Variants in AGBL4 observed in about 807,000 individuals in gnomAD.
The protein encoded by AGBL4 is AGBL carboxypeptidase 4, also known as cytosolic carboxypeptidase 6.
A neutral mutation model predicts 66.4 loss-of-function variants in AGBL4; 58 were observed. The ratio of observed to expected loss-of-function variants is 0.87; its 90% CI spans 0.71 to 1.09. The LOEUF is 1.09. Ranked by LOEUF, AGBL4 falls within the 50% of genes least tolerant of loss-of-function variation. AGBL4 has a pLI of 0.00. For synonymous variants in AGBL4, 234 were observed against 222.9 expected (o/e 1.05, Z -0.44); for missense variants, 579 against 631.0 (o/e 0.92, Z 0.88).
intron 9 of AGBL4, among the ~76,000 whole-genome samples, chr1:48,593,972 T>G (rs1328666676): frequency 1.3e-5 from 2 of 152,178 alleles, no homozygotes; most frequent in East Asian, 3.9e-4. Flanking sequence ...TAATCTGAAT[T>G]TCTCTTAGTA....
chr1:49,289,049 G>A (rs1480642484), intron 3 of AGBL4, among the ~76,000 whole-genome samples: 2 of 151,768 alleles, frequency 1.3e-5, no homozygotes, highest in Non-Finnish European at 2.9e-5. Flanking sequence ...GAGAGAGGAA[G>A]GAACCTGACC....
chr1:49,214,846 G>C (rs979493701), intron 4 of AGBL4, among the ~76,000 whole-genome samples: 6 of 152,116 alleles, frequency 3.9e-5, no homozygotes, highest in African/African-American at 7.2e-5. Flanking sequence ...GGAGTATCAA[G>C]TATATTTGTT....
At chr1:49,283,500 C>T (rs952086898) in intron 3 of AGBL4, among the ~76,000 whole-genome samples, 28 of 152,264 alleles carry the variant, frequency 1.8e-4, no homozygotes, top group Middle Eastern at 6.8e-3. Context: ...TCACCAGCAA[C>T]GGAACAAAGC....
At chr1:48,902,503 CT>C (rs1652183251) in intron 5 of AGBL4, among the ~76,000 whole-genome samples, 1 of 152,100 alleles carries the variant, frequency 6.6e-6, no homozygotes, top group African/African-American at 2.4e-5. Context: ...AAGGAAAGAA[CT>C]GGTGGTGGAT....
chr1:49,672,155 C>CA (rs1415766267), intron 3 of AGBL4, among the ~76,000 whole-genome samples: 1 of 152,088 alleles, frequency 6.6e-6, no homozygotes, highest in African/African-American at 2.4e-5. Flanking sequence ...TATGCAGCCA[C>CA]AAAAAAGAAT....
At chr1:48,739,554 G>T (rs1480366091) in intron 6 of AGBL4, among the ~76,000 whole-genome samples, 1 of 152,188 alleles carries the variant, frequency 6.6e-6, no homozygotes, top group African/African-American at 2.4e-5. Flanking sequence ...GGGTGCTGGA[G>T]CTGCCAGCCT....
Position 49,581,043 on chromosome 1 carries a change from A to AT in AGBL4, c.282+116269dup, listed in dbSNP as rs1309401483. ...CAGTCACAAATGTTTCAAAGGCTTT[A>AT]TTTTTTTCTTTATATTTTGCCTGAC... is the stretch of plus-strand genomic sequence containing the variant. On this transcript the variant is annotated intron_variant, in intron 3 of 13. Coordinates refer to ENST00000371839, the MANE Select transcript of AGBL4 (RefSeq NM_032785.4). Among the ~76,000 whole-genome samples, 4 of 151,886 alleles carry AT rather than the reference A, an allele frequency of 2.6e-5. No homozygotes were observed. The East Asian group carries it at 7.7e-4, about 29-fold the overall frequency.
chr1:48,872,986 C>A (rs151186582), intron 5 of AGBL4, among the ~76,000 whole-genome samples: 111 of 152,276 alleles, frequency 7.3e-4, no homozygotes, highest in African/African-American at 2.5e-3. Context: ...TCAGGCTGAG[C>A]CTTTGGGCTT....
chr1:49,328,317 A>C (rs1221295944), intron 3 of AGBL4, among the ~76,000 whole-genome samples: 2 of 152,232 alleles, frequency 1.3e-5, no homozygotes, highest in African/African-American at 4.8e-5. Context: ...TATTGGTTAT[A>C]ATAAGTATTA....
chr1:48,993,001 T>C (rs2148980648), intron 5 of AGBL4, among the ~76,000 whole-genome samples: 1 of 152,180 alleles, frequency 6.6e-6, no homozygotes, highest in Non-Finnish European at 1.5e-5. Context: ...GTAACTAAGC[T>C]GCAAAACAAA....
At chr1:48,748,761 T>C (rs1557940653) in intron 6 of AGBL4, among the ~76,000 whole-genome samples, 1 of 151,768 alleles carries the variant, frequency 6.6e-6, no homozygotes, top group Non-Finnish European at 1.5e-5. Flanking sequence ...TTCAGGAAAG[T>C]GGTGATCTCT....
chr1:49,871,042 T>C (rs913658236), intron 1 of AGBL4, among the ~76,000 whole-genome samples: 3 of 152,058 alleles, frequency 2.0e-5, no homozygotes, highest in Admixed American at 6.6e-5. Flanking sequence ...CCAGGGACTA[T>C]CATGGAAGAG....
At chr1:49,324,877 T>C (rs1645198177) in intron 3 of AGBL4, among the ~76,000 whole-genome samples, 1 of 152,188 alleles carries the variant, frequency 6.6e-6, no homozygotes, top group Non-Finnish European at 1.5e-5. Flanking sequence ...TCTGAGTATG[T>C]TGAATGAATG....
At chr1:48,530,615 G>T (rs1293473088), downstream of AGBL4, among the ~76,000 whole-genome samples, 1 of 152,128 alleles carries the variant, frequency 6.6e-6, no homozygotes, top group Admixed American at 6.6e-5. Context: ...TCTGCTGGGG[G>T]CTTAGCAACG....
intron 1 of AGBL4, among the ~76,000 whole-genome samples, chr1:49,948,016 A>AT (rs1557607752): frequency 1.3e-4 from 4 of 29,804 alleles, no homozygotes; most frequent in African/African-American, 4.8e-4. Flanking sequence ...ATAAATATAT[A>AT]AATATATATA....
intron 4 of AGBL4, among the ~76,000 whole-genome samples, chr1:49,094,317 A>T (rs929717353): frequency 6.6e-6 from 1 of 152,108 alleles, no homozygotes; most frequent in Middle Eastern, 3.2e-3. Flanking sequence ...ATGTGATTAA[A>T]TTCAGGATTT....
intron 6 of AGBL4, among the ~76,000 whole-genome samples, chr1:48,740,276 A>T (rs2148589566): frequency 6.6e-6 from 1 of 152,298 alleles, no homozygotes; most frequent in East Asian, 1.9e-4. Flanking sequence ...GTTTTCAGGG[A>T]TGTAGCAGAA....
intron 9 of AGBL4, among the ~76,000 whole-genome samples, chr1:48,624,985 A>G (rs1373284282): frequency 2.6e-5 from 4 of 151,176 alleles, no homozygotes; most frequent in Non-Finnish European, 5.9e-5. Flanking sequence ...ATAGCTCACT[A>G]TAGCCAAGAA....
rs370608136 is a variant in AGBL4, at chr1:49,686,351, T to C, written c.282+10962A>G. 2.8e-3 allele frequency among the ~76,000 whole-genome samples: 423 copies of C among 152,304 alleles called. 3 individuals are homozygous for C. The highest frequency in any genetic ancestry group is 9.9e-3 in the South Asian group (48 of 4,828). ...CTCCTCCAGCACAGTAAGTGCTTAA[T>C]CTTGACAAGCCAGAGAACAATGCCA... is the stretch of plus-strand genomic sequence containing the variant. On this transcript the variant is annotated intron_variant, in intron 3 of 13. Coordinates refer to ENST00000371839, the MANE Select transcript of AGBL4 (RefSeq NM_032785.4).
Sources: allele counts gnomAD v4.1 joint callset (sites outside exome capture counted in the v4.1 genomes callset), GRCh38; gene constraint gnomAD v4.1.1; transcripts MANE v1.5; gene names NCBI Gene and HGNC (gene_info 2026-07-23, HGNC 2026-07-21).